The following RBPMS variants were observed in gnomAD, a reference collection of about 807,000 sequenced individuals.
RBPMS encodes RNA binding protein, mRNA processing factor, also known as RNA-binding protein with multiple splicing.
In RBPMS, 7 loss-of-function variants were observed where a neutral mutation model predicts 26.8. The ratio of observed to expected loss-of-function variants is 0.26; its 90% CI spans 0.15 to 0.49. RBPMS has a LOEUF of 0.49. Among genes scored for constraint, RBPMS ranks in the 20% least tolerant of loss-of-function variants. RBPMS has a pLI of 0.98. For synonymous variants in RBPMS, 96 were observed against 93.3 expected (o/e 1.03, Z -0.17); for missense variants, 186 against 250.0 (o/e 0.74, Z 1.73).
chr8:30,390,032 G>A (rs1465582268), intron 1 of RBPMS, among the ~76,000 whole-genome samples: 1 of 152,136 alleles, frequency 6.6e-6, no homozygotes. Flanking sequence ...TGATTTTAAA[G>A]TTTTATGCTA....
At chr8:30,463,482 A>C (rs146624158) in intron 1 of RBPMS, among the ~76,000 whole-genome samples, 2 of 152,242 alleles carry the variant, frequency 1.3e-5, no homozygotes, top group Non-Finnish European at 2.9e-5. Context: ...TATTATCACA[A>C]CATGACAACT....
At chr8:30,530,825 C>G (rs1022785165) in intron 5 of RBPMS, among the ~76,000 whole-genome samples, 1 of 152,104 alleles carries the variant, frequency 6.6e-6, no homozygotes, top group Non-Finnish European at 1.5e-5. Context: ...AGAATAGGTA[C>G]TACTACTACT....
chr8:30,532,973 TCAAC>T (rs1389957141), intron 5 of RBPMS, among the ~76,000 whole-genome samples: 1 of 152,308 alleles, frequency 6.6e-6, no homozygotes, highest in Non-Finnish European at 1.5e-5. Flanking sequence ...ATGATGATAC[TCAAC>T]CAGAGTTTGC....
At chr8:30,438,449 AACTTGTG>A (rs1156290986) in intron 1 of RBPMS, among the ~76,000 whole-genome samples, 1 of 152,192 alleles carries the variant, frequency 6.6e-6, no homozygotes, top group Non-Finnish European at 1.5e-5. Flanking sequence ...ATTTACGTGA[AACTTGTG>A]ACTTGATTGA....
chr8:30,535,232 TTTAAG>T (rs1166916606), intron 5 of RBPMS, among the ~76,000 whole-genome samples: 1 of 152,254 alleles, frequency 6.6e-6, no homozygotes, highest in African/African-American at 2.4e-5. Context: ...TCTTGCTAGT[TTTAAG>T]TTAGTTGTAG....
chr8:30,549,772 T>TTTTCTTCTCTC (rs1182285469), intron 6 of RBPMS, among the ~76,000 whole-genome samples: 18 of 71,226 alleles, frequency 2.5e-4, no homozygotes, highest in African/African-American at 6.0e-4. Context: ...TTTTCTTTTC[T>TTTTCTTCTCTC]TCTCTCTCTC....
chr8:30,508,822 T>C (rs1821308625), intron 5 of RBPMS, among the ~76,000 whole-genome samples: 1 of 152,228 alleles, frequency 6.6e-6, no homozygotes, highest in Non-Finnish European at 1.5e-5. Flanking sequence ...ATAATACATA[T>C]GAAATTAATT....
chr8:30,566,981 C>A (rs1827931768), intron 8 of RBPMS, among the ~76,000 whole-genome samples: 1 of 152,092 alleles, frequency 6.6e-6, no homozygotes. Context: ...CTCCTCAGTT[C>A]GTTAGCTACT....
chr8:30,507,048 C>T (rs899849161), intron 5 of RBPMS, among the ~76,000 whole-genome samples: 1 of 152,136 alleles, frequency 6.6e-6, no homozygotes, highest in Non-Finnish European at 1.5e-5. Flanking sequence ...TTGAGATTGA[C>T]CCCGAATCAG....
intron 4 of RBPMS, among the ~76,000 whole-genome samples, chr8:30,500,390 A>G (rs1477575476): frequency 6.8e-6 from 1 of 146,728 alleles, no homozygotes; most frequent in Non-Finnish European, 1.5e-5. Context: ...CTTTCTCAAT[A>G]TGTATATATA....
rs184577459 is a variant in RBPMS at position 30,570,922 on chromosome 8, A to G, written c.*397A>G. 1 of 152,288 alleles carries G rather than the reference A, an allele frequency of 6.6e-6. No individual in the cohort carries two copies. The highest frequency in any genetic ancestry group is 6.5e-5 in the Admixed American group (1 of 15,296). 9.4% of individuals were successfully genotyped at this position (152,288 alleles called of 1,614,324 possible). A position where few individuals can be genotyped will look rare whatever the true frequency, so the allele number is the denominator to read the frequency against. The stretch of plus-strand genomic sequence containing the variant: ...AGTATGCTGGGATGGACGATCTTAC[A>G]CTGGTTTGGATCACAGTTTTTGTTC... On this transcript the variant is annotated 3_prime_UTR_variant, in exon 9 of 9. Coordinates refer to ENST00000397323, the MANE Select transcript of RBPMS (RefSeq NM_001008710.3).
At chr8:30,446,356 C>G (rs1563325649) in intron 1 of RBPMS, among the ~76,000 whole-genome samples, 1 of 152,190 alleles carries the variant, frequency 6.6e-6, no homozygotes, top group Non-Finnish European at 1.5e-5. Flanking sequence ...TGAGGCTGTT[C>G]TGTTTCAAAC....
In RBPMS at chr8:30,385,174, G is replaced by T. The variant is rs753803934; in HGVS notation, c.66+16G>T. ...GGAGGAGGAGGTACTGGGCGGCTCG[G>T]TGTGGTGGCGGGGGCGACGCGGGAC... On this transcript the variant is annotated intron_variant, in intron 1 of 8. Coordinates refer to ENST00000397323, the MANE Select transcript of RBPMS (RefSeq NM_001008710.3). 15 of 1,471,018 alleles carry T rather than the reference G, an allele frequency of 1.0e-5. No homozygotes were observed. Among genetic ancestry groups the T allele is most frequent in the Non-Finnish European group, 1.4e-5 (15 of 1,107,900 alleles). The allele number at this position is 1,471,018 out of a possible 1,614,324, so 91.1% of individuals were successfully genotyped here.
intron 4 of RBPMS, among the ~76,000 whole-genome samples, chr8:30,485,405 G>T (rs1818674258): frequency 6.6e-6 from 1 of 152,144 alleles, no homozygotes; most frequent in Non-Finnish European, 1.5e-5. Context: ...CTGAAAGTGG[G>T]TTAAAGAGGC....
intron 5 of RBPMS, among the ~76,000 whole-genome samples, chr8:30,523,775 A>G (rs1307578838): frequency 6.6e-6 from 1 of 152,082 alleles, no homozygotes; most frequent in African/African-American, 2.4e-5. Context: ...TGAGTGGGTT[A>G]GTAATCAAAT....
intron 1 of RBPMS, among the ~76,000 whole-genome samples, chr8:30,450,258 G>A (rs1473881991): frequency 6.6e-6 from 1 of 152,164 alleles, no homozygotes; most frequent in East Asian, 1.9e-4. Context: ...AACCCTGGAG[G>A]TAGACTATTT....
At chr8:30,474,044 CT>C (rs1817427988) in intron 1 of RBPMS, among the ~76,000 whole-genome samples, 1 of 152,012 alleles carries the variant, frequency 6.6e-6, no homozygotes, top group Admixed American at 6.6e-5. Context: ...ATGTGTTTAC[CT>C]TTGTAACCTG....
At chr8:30,524,953 A>T (rs1823425565) in intron 5 of RBPMS, among the ~76,000 whole-genome samples, 1 of 152,218 alleles carries the variant, frequency 6.6e-6, no homozygotes. Context: ...TTAGTCTATC[A>T]TACCATTTTT....
intron 6 of RBPMS, among the ~76,000 whole-genome samples, chr8:30,547,923 C>T (rs769888252): frequency 1.3e-5 from 2 of 152,276 alleles, no homozygotes; most frequent in East Asian, 1.9e-4. Flanking sequence ...AGCTCTGCCC[C>T]GGCTTCAGCT....
Sources: gnomAD v4.1 joint callset for allele counts (sites outside exome capture counted in the v4.1 genomes callset) on GRCh38, gnomAD v4.1.1 for gene constraint, MANE v1.5 for transcripts, NCBI Gene and HGNC (gene_info 2026-07-23, HGNC 2026-07-21) for gene names.